CSMD2: variants seen among roughly 807,000 people sequenced by gnomAD.
CSMD2 encodes CUB and Sushi multiple domains 2, also known as CUB and sushi domain-containing protein 2.
A neutral mutation model predicts 398.5 loss-of-function variants in CSMD2; 130 were observed. That is an observed-to-expected ratio of 0.33 (90% CI 0.28 to 0.38). The LOEUF (loss-of-function observed/expected upper bound fraction) is 0.38. Ranked by LOEUF, CSMD2 falls within the 10% of genes least tolerant of loss-of-function variation. The probability of loss-of-function intolerance (pLI) is 1.00; values close to 1 mark genes in which losing one functional copy is unlikely to be tolerated. For synonymous variants in CSMD2, 1,828 were observed against 1,908.5 expected, an observed-to-expected ratio of 0.96 and a Z score of 1.10; for missense variants, 3,829 against 4,764.9, an observed-to-expected ratio of 0.80 and a Z score of 5.78.
intron 22 of CSMD2, among the ~76,000 whole-genome samples, chr1:33,704,716 G>C (rs1287252767): frequency 6.6e-6 from 1 of 150,538 alleles, no homozygotes; most frequent in Non-Finnish European, 1.5e-5. Flanking sequence ...TTCTAATTTT[G>C]ACACATCCTC....
chr1:33,671,666 C>A (rs1029814325), intron 25 of CSMD2, among the ~76,000 whole-genome samples: 2 of 152,138 alleles, frequency 1.3e-5, no homozygotes, highest in Non-Finnish European at 2.9e-5. Flanking sequence ...TTCCCACCAG[C>A]CCCCTCTGAG....
At chr1:33,962,288 C>T (rs374057315) in intron 3 of CSMD2, among the ~76,000 whole-genome samples, 7 of 151,878 alleles carry the variant, frequency 4.6e-5, no homozygotes, top group African/African-American at 9.7e-5. Context: ...GGAGGGGGAG[C>T]GAGTTCTATA....
chr1:33,700,473 GA>G, intron 23 of CSMD2, 43 bp downstream of exon 23: 1 of 1,600,300 alleles, frequency 6.2e-7, no homozygotes, highest in Non-Finnish European at 8.5e-7. Context: ...AATAAAATGG[GA>G]AACCCTGACT....
At chr1:34,031,765 C>CAAAAAAAAAAAAAAAAAAAA (rs556094322) in intron 3 of CSMD2, among the ~76,000 whole-genome samples, 1 of 71,256 alleles carries the variant, frequency 1.4e-5, no homozygotes, top group African/African-American at 5.5e-5. Context: ...AAGGCAAAGG[C>CAAAAAAAAAAAAAAAAAAAA]AAAAAAAAAA....
chr1:33,914,999 C>T (rs781099593), intron 5 of CSMD2, among the ~76,000 whole-genome samples: 5 of 152,178 alleles, frequency 3.3e-5, no homozygotes, highest in South Asian at 2.1e-4. Flanking sequence ...GTTGCTATCC[C>T]GTTTAGGGGG....
intron 2 of CSMD2, among the ~76,000 whole-genome samples, chr1:34,087,890 T>C (rs1189540595): frequency 1.3e-5 from 2 of 152,140 alleles, no homozygotes; most frequent in Non-Finnish European, 2.9e-5. Flanking sequence ...CCTTTACCAA[T>C]GTTTCACAGA....
chr1:33,608,868 AGTTTGT>A (rs1427844341), intron 41 of CSMD2, among the ~76,000 whole-genome samples: 1 of 152,178 alleles, frequency 6.6e-6, no homozygotes, highest in Non-Finnish European at 1.5e-5. Flanking sequence ...TAAGCCACCC[AGTTTGT>A]GGTACTTTCT....
At chr1:34,068,640 G>A (rs1000567045) in intron 2 of CSMD2, among the ~76,000 whole-genome samples, 1 of 152,138 alleles carries the variant, frequency 6.6e-6, no homozygotes, top group African/African-American at 2.4e-5. Context: ...TCCCATTCCA[G>A]TGTGTAACTG....
intron 5 of CSMD2, among the ~76,000 whole-genome samples, chr1:33,852,269 C>T (rs570333834): frequency 2.0e-5 from 3 of 152,330 alleles, no homozygotes; most frequent in East Asian, 1.9e-4. Flanking sequence ...TGCCTCTGAT[C>T]GATCTTCCAT....
At position 33,716,314 on chromosome 1, in the gene CSMD2, T is replaced by C. The variant is rs369448490; in HGVS notation, c.3189A>G (p.Ser1063=). ...AGAAGGTGATGTTGAATCCTTCATA[T>C]GACATGGAGAAATCAGAGATGAAGC... The part of the protein sequence containing the change: ...QVRFISDFSM[S]YEGFNITFSE... The change falls in exon 20 of 71, where the codon TCA becomes TCG. Residue 1063 remains serine (S), a synonymous_variant. Transcript: ENST00000373381. The C allele has an allele frequency of 2.5e-5, 41 of 1,614,002 alleles. No homozygotes were observed. The highest frequency in any genetic ancestry group is 1.7e-4 in the Middle Eastern group (1 of 6,058).
intron 55 of CSMD2, among the ~76,000 whole-genome samples, chr1:33,556,614 G>T (rs958833761): frequency 6.6e-6 from 1 of 152,170 alleles, no homozygotes; most frequent in Non-Finnish European, 1.5e-5. Context: ...TCTTAAGGAC[G>T]TGTAAGGCCA....
intron 60 of CSMD2, among the ~76,000 whole-genome samples, chr1:33,539,696 T>C (rs1488085289): frequency 6.6e-6 from 1 of 152,176 alleles, no homozygotes; most frequent in South Asian, 2.1e-4. Flanking sequence ...ATGACCATAA[T>C]TCATTGTTAA....
chr1:33,595,503 T>C (rs935640949), intron 44 of CSMD2, among the ~76,000 whole-genome samples: 1 of 152,222 alleles, frequency 6.6e-6, no homozygotes, highest in Non-Finnish European at 1.5e-5. Flanking sequence ...AGGGGTAGTT[T>C]GAAGTTATGT....
intron 49 of CSMD2, among the ~76,000 whole-genome samples, chr1:33,576,279 A>G (rs1388386812): frequency 2.6e-5 from 4 of 152,244 alleles, no homozygotes; most frequent in Non-Finnish European, 4.4e-5. Flanking sequence ...ATTGAAAATA[A>G]TGGTGACGAA....
At chr1:33,632,469 T>G (rs867697955) in intron 32 of CSMD2, among the ~76,000 whole-genome samples, 1 of 151,898 alleles carries the variant, frequency 6.6e-6, no homozygotes. Context: ...CACAATAAAT[T>G]CACAAATAAA....
intron 3 of CSMD2, among the ~76,000 whole-genome samples, chr1:33,942,141 T>C (rs1461866850): frequency 6.6e-6 from 1 of 152,214 alleles, no homozygotes; most frequent in African/African-American, 2.4e-5. Context: ...TTATCATCAC[T>C]TGTTGAGATA....
intron 6 of CSMD2, among the ~76,000 whole-genome samples, chr1:33,832,602 A>T (rs1174442130): frequency 6.7e-6 from 1 of 148,922 alleles, no homozygotes; most frequent in African/African-American, 2.5e-5. Context: ...TAGAGAAGCA[A>T]GAGCAAACAT....
At chr1:33,714,964 G>C (rs1016008416) in intron 20 of CSMD2, among the ~76,000 whole-genome samples, 189 bp from the exon 21 acceptor site, 1 of 152,178 alleles carries the variant, frequency 6.6e-6, no homozygotes, top group African/African-American at 2.4e-5. Context: ...AGAGCCCGAG[G>C]GGAGCAGAGG....
intron 1 of CSMD2, among the ~76,000 whole-genome samples, chr1:34,113,878 A>C (rs1558408494): frequency 6.6e-6 from 1 of 152,242 alleles, no homozygotes; most frequent in Non-Finnish European, 1.5e-5. Context: ...AGACTGAAGG[A>C]AAAAGTTCAA....
Sources: allele counts gnomAD v4.1 joint callset (sites outside exome capture counted in the v4.1 genomes callset), GRCh38; gene constraint gnomAD v4.1.1; transcripts MANE v1.5; gene names NCBI Gene and HGNC (gene_info 2026-07-23, HGNC 2026-07-21).